Variants in ATP9A observed in about 807,000 individuals in gnomAD.
ATP9A encodes ATPase phospholipid transporting 9A.
A neutral mutation model predicts 144.1 loss-of-function variants in ATP9A; 52 were observed. The ratio of observed to expected loss-of-function variants is 0.36; its 90% CI spans 0.29 to 0.45. The LOEUF (loss-of-function observed/expected upper bound fraction) is 0.45. ATP9A is among the 20% of genes least tolerant of loss of function. ATP9A has a pLI of 1.00. For synonymous variants in ATP9A, 582 were observed against 557.4 expected (o/e 1.04, Z -0.62); for missense variants, 947 against 1,392.7 (o/e 0.68, Z 5.09).
intron 16 of ATP9A, 79 bp from the exon 17 acceptor site, chr20:51,627,762 G>T: frequency 8.6e-7 from 1 of 1,157,050 alleles, no homozygotes; most frequent in Non-Finnish European, 1.3e-6. Context: ...TGCCCAAGTG[G>T]ATGTGCCCCT....
chr20:51,676,917 C>CTT (rs34062000), intron 9 of ATP9A, among the ~76,000 whole-genome samples: 132 of 68,424 alleles, frequency 1.9e-3, no homozygotes, highest in Middle Eastern at 0.015. Flanking sequence ...CGCCCAGTCT[C>CTT]TTTTTTTTTT....
At chr20:51,705,655 C>T (rs1242435641) in intron 4 of ATP9A, among the ~76,000 whole-genome samples, 1 of 152,166 alleles carries the variant, frequency 6.6e-6, no homozygotes, top group Non-Finnish European at 1.5e-5. Context: ...GGAAAGCATT[C>T]CTGGTATGAA....
chr20:51,723,558 A>T (rs2122865233), intron 3 of ATP9A, among the ~76,000 whole-genome samples: 1 of 128,986 alleles, frequency 7.8e-6, no homozygotes, highest in South Asian at 2.8e-4. Context: ...GGGCAACAGC[A>T]AATTCTTTTT....
chr20:51,717,210 T>A (rs1421336442), intron 3 of ATP9A, among the ~76,000 whole-genome samples: 1 of 150,934 alleles, frequency 6.6e-6, no homozygotes, highest in Non-Finnish European at 1.5e-5. Flanking sequence ...CCCAAACCAC[T>A]TGGCTCCACA....
rs1175894145 is a variant in ATP9A at position 51,679,027 on chromosome 20, T to TA, written c.800-2820dup. Among the ~76,000 whole-genome samples, 1,054 of 145,758 alleles carry TA rather than the reference T, an allele frequency of 7.2e-3. 5 individuals carry two copies. The highest frequency in any genetic ancestry group is 0.024 in the African/African-American group (946 of 39,932). On this transcript the variant is annotated intron_variant, in intron 9 of 27. Coordinates refer to ENST00000338821, the MANE Select transcript of ATP9A (RefSeq NM_006045.3). ...TTTTAAATTCAGGAGCTTGCCTATC[T>TA]AAAAAAAAAAATGAGGCCGGGCACG...
At chr20:51,700,745 G>A (rs941238432) in intron 4 of ATP9A, among the ~76,000 whole-genome samples, 10 of 152,278 alleles carry the variant, frequency 6.6e-5, no homozygotes, top group Non-Finnish European at 1.2e-4. Context: ...CAGGAGAATC[G>A]CTTGAACCCG....
At chr20:51,621,237 T>C (rs2077225812) in intron 19 of ATP9A, among the ~76,000 whole-genome samples, 1 of 151,956 alleles carries the variant, frequency 6.6e-6, no homozygotes, top group Non-Finnish European at 1.5e-5. Flanking sequence ...CAGATAAATT[T>C]TGGGAGGAGG....
At chr20:51,648,766 A>G (rs537227100) in intron 14 of ATP9A, among the ~76,000 whole-genome samples, 1 of 152,322 alleles carries the variant, frequency 6.6e-6, no homozygotes, top group East Asian at 1.9e-4. Context: ...CAGGAGGTCA[A>G]GGCTGCAGTG....
intron 14 of ATP9A, among the ~76,000 whole-genome samples, chr20:51,654,651 C>T (rs907706225): frequency 2.6e-5 from 4 of 152,100 alleles, no homozygotes; most frequent in Non-Finnish European, 4.4e-5. Context: ...CTCATACCCA[C>T]GAGTTCAGGG....
intron 9 of ATP9A, among the ~76,000 whole-genome samples, chr20:51,685,025 A>ATT (rs1348018217): frequency 3.5e-4 from 53 of 149,618 alleles, no homozygotes; most frequent in South Asian, 4.2e-4. Context: ...AATAAAAAAA[A>ATT]AAAAAAAAAA....
At chr20:51,738,185 C>T (rs1272374022) in intron 1 of ATP9A, among the ~76,000 whole-genome samples, 3 of 152,052 alleles carry the variant, frequency 2.0e-5, no homozygotes, top group Non-Finnish European at 4.4e-5. Flanking sequence ...CCCAACACCA[C>T]GCCCGGCTAA....
chr20:51,715,637 C>T (rs1404530963), intron 3 of ATP9A, among the ~76,000 whole-genome samples: 2 of 152,202 alleles, frequency 1.3e-5, no homozygotes, highest in Non-Finnish European at 2.9e-5. Flanking sequence ...TTCACATATA[C>T]ACACACAGTT....
chr20:51,604,750 G>T (rs974366259), intron 27 of ATP9A, 67 bp downstream of exon 27: 15 of 1,350,190 alleles, frequency 1.1e-5, no homozygotes, highest in Non-Finnish European at 1.4e-5. Flanking sequence ...CCTTCATACG[G>T]CAGTGAGACC....
intron 23 of ATP9A, among the ~76,000 whole-genome samples, chr20:51,612,328 T>C (rs1223048769): frequency 6.6e-6 from 1 of 152,228 alleles, no homozygotes; most frequent in Non-Finnish European, 1.5e-5. Flanking sequence ...AAAAGGAAGA[T>C]TGACAATCAA....
At chr20:51,754,878 C>T (rs916046767) in intron 1 of ATP9A, among the ~76,000 whole-genome samples, 1 of 150,626 alleles carries the variant, frequency 6.6e-6, no homozygotes, top group African/African-American at 2.4e-5. Flanking sequence ...CTTTGGGAGG[C>T]CGAGGTGGAT....
chr20:51,649,826 T>C (rs1011293514), intron 14 of ATP9A, among the ~76,000 whole-genome samples: 6 of 151,410 alleles, frequency 4.0e-5, no homozygotes, highest in South Asian at 2.1e-4. Flanking sequence ...GGCAAGAGAA[T>C]TGCTTGTACC....
chr20:51,755,362 G>C (rs181222032), intron 1 of ATP9A, among the ~76,000 whole-genome samples: 2,185 of 152,012 alleles, frequency 0.014, 22 homozygotes, highest in Middle Eastern at 0.024. Flanking sequence ...TTGAACCCAG[G>C]AGGCGGAGGT....
chr20:51,608,458 G>A (rs1945983891), intron 25 of ATP9A, 60 bp downstream of exon 25: 9 of 1,086,390 alleles, frequency 8.3e-6, no homozygotes, highest in African/African-American at 1.5e-5. Flanking sequence ...AGGGAGGGAG[G>A]GAAGGAAGGG....
chr20:51,724,092 A>G (rs763238233), intron 3 of ATP9A, among the ~76,000 whole-genome samples: 1 of 151,942 alleles, frequency 6.6e-6, no homozygotes, highest in Non-Finnish European at 1.5e-5. Context: ...AATCGCTTGG[A>G]CCCAGGAGGC....
Sources: allele counts gnomAD v4.1 joint callset (sites outside exome capture counted in the v4.1 genomes callset), GRCh38; gene constraint gnomAD v4.1.1; transcripts MANE v1.5; gene names NCBI Gene and HGNC (gene_info 2026-07-23, HGNC 2026-07-21).